BTD: variants seen among roughly 807,000 people sequenced by gnomAD.
The protein encoded by BTD is biocytinase.
A neutral mutation model predicts 17.7 loss-of-function variants in BTD; 13 were observed. The ratio of observed to expected loss-of-function variants is 0.74; its 90% confidence interval spans 0.48 to 1.17. BTD has a LOEUF of 1.17. Among genes scored for constraint, BTD ranks in the 50% most tolerant of loss-of-function variants. The pLI is 0.00. For synonymous variants in BTD, 240 were observed against 245.2 expected (o/e 0.98, Z 0.20); for missense variants, 674 against 650.4 (o/e 1.04, Z -0.39).
intron 2 of BTD, among the ~76,000 whole-genome samples, chr3:15,641,423 T>A (rs1357752132): frequency 1.3e-5 from 2 of 152,158 alleles, no homozygotes; most frequent in African/African-American, 2.4e-5. Context: ...GTAGGGGTGG[T>A]CCCGGCATCA....
At chr3:15,717,880 C>A (rs1553605538) in intron 4 of BTD, among the ~76,000 whole-genome samples, 5 of 152,096 alleles carry the variant, frequency 3.3e-5, no homozygotes, top group Non-Finnish European at 7.3e-5. Flanking sequence ...TTATTACAAA[C>A]TTAAATTCAC....
chr3:15,718,619 C>A (rs1000993852), intron 4 of BTD, among the ~76,000 whole-genome samples: 5 of 152,114 alleles, frequency 3.3e-5, no homozygotes, highest in African/African-American at 1.2e-4. Flanking sequence ...ATATTCATGC[C>A]AAAATGGCAG....
intron 3 of BTD, among the ~76,000 whole-genome samples, chr3:15,672,375 T>C (rs1575068419): frequency 1.3e-5 from 2 of 152,182 alleles, no homozygotes; most frequent in Admixed American, 1.3e-4. Flanking sequence ...CTGCTGGCTT[T>C]AAGTGATCTT....
rs1479247073 is a variant in BTD at position 15,681,497 on chromosome 3, CTTATT to C, written c.400-28556_400-28552del. 2.6e-5 allele frequency among the ~76,000 whole-genome samples: 4 copies of C among 152,216 alleles called. No individual in the cohort carries two copies. In the East Asian group the frequency reaches 7.7e-4, roughly 29 times the overall value. On this transcript the variant is annotated intron_variant, in intron 3 of 3. Coordinates refer to the BTD transcript ENST00000672141. ...CCTAATTACTACAAATAAAATGTTG[CTTATT>C]TTATTTCATTAGTCATTTGGGATCT...
At chr3:15,627,433 G>T (rs955752526) in intron 1 of BTD, among the ~76,000 whole-genome samples, 4 of 152,060 alleles carry the variant, frequency 2.6e-5, no homozygotes, top group Non-Finnish European at 5.9e-5. Context: ...TCTCCATGTT[G>T]CCCAGGCTAG....
intron 3 of BTD, chr3:15,683,888 T>C (rs910672830): frequency 4.6e-5 from 7 of 152,234 alleles, no homozygotes; most frequent in African/African-American, 1.7e-4. Flanking sequence ...CTCAACTTCC[T>C]GGTAAGGCAG....
chr3:15,718,896 C>T (rs1044916591), intron 4 of BTD, among the ~76,000 whole-genome samples: 4 of 152,080 alleles, frequency 2.6e-5, no homozygotes, highest in African/African-American at 7.2e-5. Flanking sequence ...AACATTACTG[C>T]GCCTTTGAGG....
chr3:15,676,532 G>A (rs993605296), intron 3 of BTD: 3 of 160,194 alleles, frequency 1.9e-5, no homozygotes, highest in African/African-American at 7.2e-5. Flanking sequence ...AGACACTGAT[G>A]TAAGATCTCT....
intron 3 of BTD, among the ~76,000 whole-genome samples, chr3:15,704,223 G>A (rs1418596733): frequency 6.6e-6 from 1 of 152,022 alleles, no homozygotes; most frequent in African/African-American, 2.4e-5. Flanking sequence ...CACTTCAGAG[G>A]ACTTGCTGAA....
chr3:15,655,578 G>A (rs2065863472), downstream of BTD, among the ~76,000 whole-genome samples: 2 of 152,184 alleles, frequency 1.3e-5, no homozygotes, highest in Non-Finnish European at 2.9e-5. Context: ...GGAGCCCAGA[G>A]ACCAGGCCTG....
At chr3:15,631,527 C>G in intron 1 of BTD, 1 of 1,480,672 alleles carries the variant, frequency 6.8e-7, no homozygotes, top group Non-Finnish European at 9.1e-7. Flanking sequence ...GTAAAAATAT[C>G]TAGTGATTGA....
At chr3:15,622,907 C>T (rs2064986088) in intron 1 of BTD, among the ~76,000 whole-genome samples, 2 of 152,150 alleles carry the variant, frequency 1.3e-5, no homozygotes, top group African/African-American at 4.8e-5. Flanking sequence ...TGTTTTCATG[C>T]TGTTAATAAA....
chr3:15,610,809 G>T (rs996828813), intron 1 of BTD, among the ~76,000 whole-genome samples: 1 of 152,126 alleles, frequency 6.6e-6, no homozygotes, highest in African/African-American at 2.4e-5. Context: ...TTAAAAGATA[G>T]GGTATTTTTT....
intron 3 of BTD, among the ~76,000 whole-genome samples, chr3:15,701,103 A>G (rs2070527204): frequency 6.6e-6 from 1 of 152,246 alleles, no homozygotes; most frequent in African/African-American, 2.4e-5. Context: ...AAAACAAATG[A>G]AAAGAAATTC....
intron 3 of BTD, among the ~76,000 whole-genome samples, chr3:15,680,655 A>AT (rs1361828081): frequency 2.0e-5 from 3 of 150,678 alleles, no homozygotes; most frequent in Non-Finnish European, 3.0e-5. Flanking sequence ...ACATTCTGGT[A>AT]TTTTTTTATT....
chr3:15,614,605 T>C (rs527705417), intron 1 of BTD, among the ~76,000 whole-genome samples: 34 of 151,180 alleles, frequency 2.2e-4, no homozygotes, highest in Admixed American at 1.2e-3. Context: ...TTTCTTTTTT[T>C]TTTTTTTTTT....
At chr3:15,621,106 CTT>C (rs2064940325) in intron 1 of BTD, among the ~76,000 whole-genome samples, 1 of 152,204 alleles carries the variant, frequency 6.6e-6, no homozygotes, top group African/African-American at 2.4e-5. Flanking sequence ...TTCGTTCTCT[CTT>C]GTCTCTTGGC....
chr3:15,677,885 T>C (rs1320403783), intron 3 of BTD, among the ~76,000 whole-genome samples: 1 of 152,194 alleles, frequency 6.6e-6, no homozygotes, highest in East Asian at 1.9e-4. Flanking sequence ...GTAGATACTG[T>C]TATTTTTCTC....
chr3:15,674,146 T>C (rs891799449), intron 3 of BTD, among the ~76,000 whole-genome samples: 4 of 109,072 alleles, frequency 3.7e-5, no homozygotes, highest in African/African-American at 1.4e-4. Flanking sequence ...TACTCTAGTC[T>C]GGGCAACAGA....
Sources: allele counts gnomAD v4.1 joint callset (sites outside exome capture counted in the v4.1 genomes callset), GRCh38; gene constraint gnomAD v4.1.1; transcripts MANE v1.5; gene names NCBI Gene and HGNC (gene_info 2026-07-23, HGNC 2026-07-21).